Variants in CACNA1I observed in about 807,000 individuals in gnomAD.
CACNA1I encodes the protein voltage-dependent T-type calcium channel subunit alpha-1I.
A neutral mutation model predicts 201.6 loss-of-function variants in CACNA1I; 74 were observed. The observed-to-expected ratio is 0.37, with a 90% CI of 0.30 to 0.45. The LOEUF is 0.45. Among genes scored for constraint, CACNA1I ranks in the 20% least tolerant of loss-of-function variants. CACNA1I has a pLI of 1.00. For synonymous variants in CACNA1I, 1,431 were observed against 1,345.2 expected (o/e 1.06, Z -1.40); for missense variants, 2,346 against 3,138.1 (o/e 0.75, Z 6.03).
At chr22:39,675,220 T>G (rs1935483343) in intron 29 of CACNA1I, among the ~76,000 whole-genome samples, 1 of 152,244 alleles carries the variant, frequency 6.6e-6, no homozygotes, top group Non-Finnish European at 1.5e-5. Flanking sequence ...CATCGCTCCC[T>G]CAAGCGCTTA....
chr22:39,622,218 GGTGTACTGAGCT>G (rs1427064932), intron 4 of CACNA1I, among the ~76,000 whole-genome samples: 2 of 152,138 alleles, frequency 1.3e-5, no homozygotes, highest in Non-Finnish European at 2.9e-5. Context: ...GGACACAGCA[GGTGTACTGAGCT>G]GTGTACTGTG....
Position 39,685,826 on chromosome 22 carries a change from G to C in CACNA1I, c.6093G>C (p.Thr2031=). 1.3e-6 allele frequency: 2 copies of C among 1,496,254 alleles called. No homozygotes were observed. Among genetic ancestry groups the C allele is most frequent in the Non-Finnish European group, 1.8e-6 (2 of 1,130,490 alleles). 92.7% of individuals were successfully genotyped at this position (1,496,254 alleles called of 1,614,324 possible). A position where few individuals can be genotyped will look rare whatever the true frequency, so the allele number is the denominator to read the frequency against. Residue 2031 remains threonine (T), a synonymous_variant, in exon 37 of 37, where the codon ACG becomes ACC. Transcript: ENST00000402142. This position sits in a 1 kb window ranked among gnomAD's most constrained non-coding sequence, Gnocchi z 5.0. The stretch of plus-strand genomic sequence containing the variant: ...GCTCCGCGGGCAGCCTGCAGACCAC[G>C]CTCGAGGACAGCCTGACCCTGAGCG... The part of the protein sequence containing the change: ...PSSSAGSLQT[T]LEDSLTLSDS...
chr22:39,663,712 G>T lies in CACNA1I; in HGVS notation c.3474-6G>T, dbSNP rs761343264. ...CGCTCAGGCAGCCCCCGCCCACCCTGCCCAGGTTCCGGGTCCTGTGTCAGA... is the reference window on the plus strand; with the variant it reads ...CGCTCAGGCAGCCCCCGCCCACCCTTCCCAGGTTCCGGGTCCTGTGTCAGA... On this transcript the variant is annotated splice_polypyrimidine_tract_variant and splice_region_variant and intron_variant, in intron 18 of 36. Transcript: ENST00000402142. 1.3e-5 allele frequency: 15 copies of T among 1,118,326 alleles called. No homozygotes were observed. In the Admixed American group the frequency reaches 2.1e-4, roughly 16 times the overall value. 69.3% of individuals were successfully genotyped at this position (1,118,326 alleles called of 1,614,324 possible).
chr22:39,654,181 G>T (rs2146437293), intron 10 of CACNA1I, among the ~76,000 whole-genome samples: 1 of 152,364 alleles, frequency 6.6e-6, no homozygotes, highest in Non-Finnish European at 1.5e-5. Flanking sequence ...AGGTGCCAGG[G>T]TGAGCAGCGA....
At chr22:39,597,215 A>C (rs1282707901) in intron 1 of CACNA1I, among the ~76,000 whole-genome samples, 2 of 152,152 alleles carry the variant, frequency 1.3e-5, no homozygotes, top group African/African-American at 4.8e-5. Context: ...CGGATTTCTT[A>C]CTGGTATGAC....
chr22:39,643,268 C>T (rs569946690), intron 7 of CACNA1I, among the ~76,000 whole-genome samples: 5 of 152,320 alleles, frequency 3.3e-5, no homozygotes, highest in South Asian at 2.1e-4. Flanking sequence ...TTTTCCTGGA[C>T]GGAGAAGACA....
chr22:39,662,658 CG>C, intron 17 of CACNA1I, 117 bp from the exon 18 acceptor site: 2 of 782,088 alleles, frequency 2.6e-6, no homozygotes, highest in Non-Finnish European at 4.2e-6. Flanking sequence ...TGGCTGCCCC[CG>C]GGGGGCAGAG....
At chr22:39,661,584 G>A (rs1935014704) in intron 16 of CACNA1I, among the ~76,000 whole-genome samples, 1 of 152,260 alleles carries the variant, frequency 6.6e-6, no homozygotes, top group Non-Finnish European at 1.5e-5. Context: ...GGGCTTTGGA[G>A]TCAGGCAGAC....
intron 10 of CACNA1I, among the ~76,000 whole-genome samples, chr22:39,654,940 G>A (rs552816951): frequency 2.0e-5 from 3 of 152,292 alleles, no homozygotes; most frequent in Admixed American, 6.5e-5. Context: ...AGGCTTGCAA[G>A]CAAATGACAC....
rs1404168572 is a variant in CACNA1I, at chr22:39,629,128, T to C, written c.581-5437T>C. Among the ~76,000 whole-genome samples the C allele has an allele frequency of 1.2e-4, 18 of 152,086 alleles. No homozygotes were observed. Among genetic ancestry groups the C allele is most frequent in the Admixed American group, 1.1e-3 (17 of 15,270 alleles). On this transcript the variant is annotated intron_variant, in intron 4 of 36. Transcript: ENST00000402142. The surrounding 1 kb of genome is among the most constrained non-coding windows in gnomAD (Gnocchi z 4.8). The stretch of plus-strand genomic sequence containing the variant: ...TCCCCAAAAAGGGTGAGCAGCTCCA[T>C]CCACTTGCCCGCTGCCATCTGCCAC...
intron 8 of CACNA1I, 49 bp downstream of exon 8, chr22:39,646,930 G>T (rs1340891311): frequency 1.4e-6 from 2 of 1,448,982 alleles, no homozygotes; most frequent in Non-Finnish European, 1.8e-6. Flanking sequence ...CGTGCCAAGT[G>T]TCACTCCTTT....
At chr22:39,655,283 G>T (rs1934781307) in intron 10 of CACNA1I, among the ~76,000 whole-genome samples, 1 of 152,044 alleles carries the variant, frequency 6.6e-6, no homozygotes, top group South Asian at 2.1e-4. Context: ...GCTGACCTCT[G>T]CACACCCTTA....
At chr22:39,653,107 GGC>G in intron 10 of CACNA1I, among the ~76,000 whole-genome samples, 1 of 101,518 alleles carries the variant, frequency 9.9e-6, no homozygotes, top group African/African-American at 7.3e-5. Flanking sequence ...TGGCTAAGAG[GGC>G]TGACTGCATT....
intron 24 of CACNA1I, among the ~76,000 whole-genome samples, chr22:39,668,915 CCTGCTTGTCAGGT>C (rs1349483101): frequency 2.0e-5 from 3 of 152,058 alleles, no homozygotes; most frequent in Non-Finnish European, 2.9e-5. Flanking sequence ...GAGTGGTGTC[CCTGCTTGTCAGGT>C]CTGCTTGTCA....
chr22:39,631,651 T>C (rs55898159), intron 4 of CACNA1I, among the ~76,000 whole-genome samples: 70,370 of 151,972 alleles, frequency 0.46, 17,740 homozygotes, highest in East Asian at 0.9. Context: ...CTCCGCTCTT[T>C]CTCTCTGTCT....
rs923855926 is a variant in CACNA1I at position 39,676,608 on chromosome 22, T to G, written c.4855-733T>G. Among the ~76,000 whole-genome samples, 1 of 152,148 alleles carries G rather than the reference T, an allele frequency of 6.6e-6. No individual in the cohort carries two copies. Among genetic ancestry groups the G allele is most frequent in the African/African-American group, 2.4e-5 (1 of 41,446 alleles). On this transcript the variant is annotated intron_variant, in intron 29 of 36. Transcript: ENST00000402142. The surrounding 1 kb of genome is among the most constrained non-coding windows in gnomAD (Gnocchi z 4.8). ...GGGACGCTTTCTCCCACAGGAGCTGTGGGATGGGGGTGGCTGGGTTTGCAG... is the reference window on the plus strand; with the variant it reads ...GGGACGCTTTCTCCCACAGGAGCTGGGGGATGGGGGTGGCTGGGTTTGCAG...
intron 3 of CACNA1I, among the ~76,000 whole-genome samples, chr22:39,601,071 G>C (rs575201535): frequency 1.3e-5 from 2 of 152,320 alleles, no homozygotes; most frequent in East Asian, 3.9e-4. Flanking sequence ...ACTCCAGACT[G>C]TGGTTATTTC....
At chr22:39,604,602 C>T (rs1010435553) in intron 3 of CACNA1I, among the ~76,000 whole-genome samples, 9 of 152,054 alleles carry the variant, frequency 5.9e-5, no homozygotes, top group Non-Finnish European at 1.2e-4. Flanking sequence ...TTTTTTGAGG[C>T]AGTTTCATTC....
intron 4 of CACNA1I, among the ~76,000 whole-genome samples, chr22:39,632,190 T>C (rs9607661): frequency 0.46 from 70,596 of 152,078 alleles, 17,830 homozygotes; most frequent in East Asian, 0.9. Flanking sequence ...TGGGACCGTG[T>C]GGAGCTGCCT....
Sources: allele counts gnomAD v4.1 joint callset (sites outside exome capture counted in the v4.1 genomes callset), GRCh38; gene constraint gnomAD v4.1.1; non-coding constraint Gnocchi (gnomAD v3.1); transcripts MANE v1.5; gene names NCBI Gene and HGNC (gene_info 2026-07-23, HGNC 2026-07-21).